The following RUNX1 variants were observed in gnomAD, a reference collection of about 807,000 sequenced individuals.
RUNX1 encodes RUNX family transcription factor 1.
In RUNX1, 19 loss-of-function variants were observed where a neutral mutation model predicts 42.8. That is an observed-to-expected ratio of 0.44 (90% confidence interval 0.31 to 0.65). RUNX1 has a LOEUF of 0.65. Ranked by LOEUF, RUNX1 falls within the 30% of genes least tolerant of loss-of-function variation. The pLI is 0.07. For synonymous variants in RUNX1, 271 were observed against 289.4 expected (o/e 0.94, Z 0.64); for missense variants, 528 against 672.0 (o/e 0.79, Z 2.37).
chr21:34,998,290 C>T (rs1011311625), intron 2 of RUNX1, among the ~76,000 whole-genome samples: 3 of 152,080 alleles, frequency 2.0e-5, no homozygotes, highest in Non-Finnish European at 2.9e-5. Context: ...AGAGATCAGC[C>T]CCATTTTCCT....
At chr21:34,939,135 GATGCCTTCTACATTAGAGAATCGTA>G (rs2058507947) in intron 2 of RUNX1, among the ~76,000 whole-genome samples, 1 of 152,158 alleles carries the variant, frequency 6.6e-6, no homozygotes, top group African/African-American at 2.4e-5. Context: ...GTATCTAATA[GATGCCTTCTACATTAGAGAATCGTA>G]ATGGATCAAA....
intron 2 of RUNX1, among the ~76,000 whole-genome samples, chr21:34,916,640 G>A (rs180833771): frequency 2.0e-5 from 3 of 152,208 alleles, no homozygotes; most frequent in Admixed American, 6.5e-5. Flanking sequence ...GCAGGGTTTA[G>A]ACAGGCAAAA....
At chr21:34,998,117 T>TCAA (rs1383718294) in intron 2 of RUNX1, among the ~76,000 whole-genome samples, 4 of 152,202 alleles carry the variant, frequency 2.6e-5, no homozygotes, top group Admixed American at 2.6e-4. Flanking sequence ...GTTTCTCTTT[T>TCAA]AAACTTTGAG....
chr21:34,895,314 G>C (rs1425311478), intron 2 of RUNX1, among the ~76,000 whole-genome samples: 1 of 152,156 alleles, frequency 6.6e-6, no homozygotes, highest in East Asian at 1.9e-4. Flanking sequence ...CCTGCCTTCA[G>C]CATTCCTTGA....
intron 8 of RUNX1, among the ~76,000 whole-genome samples, chr21:34,797,595 G>A (rs76211781): frequency 1.5e-3 from 224 of 152,310 alleles, no homozygotes; most frequent in Middle Eastern, 0.01. Context: ...GGTGCCCTGA[G>A]AACAATCAGT....
At chr21:34,928,707 C>G (rs890109171) in intron 2 of RUNX1, among the ~76,000 whole-genome samples, 6 of 151,342 alleles carry the variant, frequency 4.0e-5, no homozygotes, top group Non-Finnish European at 7.4e-5. Context: ...CAAGTTACAA[C>G]TAGAAGGCTG....
intron 7 of RUNX1, chr21:34,833,143 G>C (rs1478590734): frequency 6.6e-6 from 1 of 152,366 alleles, no homozygotes; most frequent in African/African-American, 2.4e-5. Context: ...TCGCTCTGTT[G>C]CCCAGGCTGG....
chr21:34,882,933 G>A (rs924700909), intron 4 of RUNX1, among the ~76,000 whole-genome samples: 2 of 152,176 alleles, frequency 1.3e-5, no homozygotes, highest in African/African-American at 2.4e-5. Context: ...CCTCCACTAC[G>A]TGGGTTTCAA....
chr21:34,917,863 G>A (rs1313640136), intron 2 of RUNX1, among the ~76,000 whole-genome samples: 1 of 152,076 alleles, frequency 6.6e-6, no homozygotes, highest in Non-Finnish European at 1.5e-5. Flanking sequence ...GGGCGTAGTG[G>A]CTCATGCCTA....
chr21:34,887,258 T>TGGGGGGGGGGGG, intron 3 of RUNX1, 162 bp from the exon 4 acceptor site: 1 of 261,170 alleles, frequency 3.8e-6, no homozygotes. Flanking sequence ...GGGGCGGGGG[T>TGGGGGGGGGGGG]GGTTAGGGGA....
At chr21:34,820,642 C>T (rs1367809608) in intron 7 of RUNX1, among the ~76,000 whole-genome samples, 1 of 148,012 alleles carries the variant, frequency 6.8e-6, no homozygotes, top group Non-Finnish European at 1.5e-5. Flanking sequence ...GAAACACCGT[C>T]TCAAAAAAAA....
intron 2 of RUNX1, among the ~76,000 whole-genome samples, chr21:35,005,154 T>G (rs937655515): frequency 6.6e-6 from 1 of 152,086 alleles, no homozygotes; most frequent in African/African-American, 2.4e-5. Flanking sequence ...GAGTTGAATT[T>G]CTTCTTCATA....
At chr21:34,799,206 C>T in intron 8 of RUNX1, 95 bp downstream of exon 8, 1 of 1,340,644 alleles carries the variant, frequency 7.5e-7, no homozygotes, top group East Asian at 2.3e-5. Flanking sequence ...CCATGTTTTA[C>T]TCAATAATGT....
chr21:34,824,141 T>C (rs1402114772), intron 7 of RUNX1, among the ~76,000 whole-genome samples: 1 of 152,228 alleles, frequency 6.6e-6, no homozygotes, highest in African/African-American at 2.4e-5. Flanking sequence ...GTCAAGCATT[T>C]AGTGCCATTG....
chr21:35,000,696 G>A (rs1041596534), intron 2 of RUNX1, among the ~76,000 whole-genome samples: 4 of 152,186 alleles, frequency 2.6e-5, no homozygotes, highest in African/African-American at 9.7e-5. Flanking sequence ...ACTTGTATAA[G>A]TAACATTAAC....
chr21:34,813,778 T>C (rs753959763), intron 7 of RUNX1, among the ~76,000 whole-genome samples: 2 of 151,934 alleles, frequency 1.3e-5, no homozygotes, highest in Non-Finnish European at 2.9e-5. Flanking sequence ...TTACTTAAGG[T>C]TTCATTCTAA....
Position 34,886,941 on chromosome 21 carries a change from G to T in RUNX1, c.253C>A (p.His85Asn), listed in dbSNP as rs121912500. ...TCGGTGCGCACCAGCTCGCCCGGGT[G>T]GTCGGCCAGCACCTCCACCATGCTG... ...DRSMVEVLAD[H>N]PGELVRTDSP... The change falls in exon 4 of 9, where the codon CAC (histidine) becomes AAC (asparagine). Residue 85 changes from histidine to asparagine, a missense_variant. His to Asn is a moderately conservative substitution (Grantham distance 68). This residue lies in a region of RUNX1 where 83 missense variants were observed against 174.5 expected (regional missense o/e 0.48). Transcript: ENST00000675419. 1.1e-5 allele frequency: 17 copies of T among 1,612,824 alleles called. No homozygotes were observed. The East Asian group carries it at 3.6e-4, about 34-fold the overall frequency.
Position 34,895,078 on chromosome 21 carries a change from C to G in RUNX1, c.59-2115G>C, listed in dbSNP as rs184361770. 2.7e-4 allele frequency among the ~76,000 whole-genome samples: 41 copies of G among 152,212 alleles called. No homozygotes were observed. In the South Asian group the frequency reaches 7.7e-3, roughly 29 times the overall value. On this transcript the variant is annotated intron_variant, in intron 2 of 8. Coordinates refer to ENST00000675419, the MANE Select transcript of RUNX1 (RefSeq NM_001754.5). ...ATCCCCCCCGTCTCAGGGTCTAGAT[C>G]AGAAAATATCTTGGAAATTCTTCAC... is the stretch of plus-strand genomic sequence containing the variant.
intron 5 of RUNX1, among the ~76,000 whole-genome samples, chr21:34,864,447 T>A (rs765373770): frequency 4.6e-5 from 7 of 152,328 alleles, no homozygotes; most frequent in Non-Finnish European, 2.9e-5. Flanking sequence ...ATGGGGCTGC[T>A]GCCGAGAGGG....
Sources: allele counts gnomAD v4.1 joint callset (sites outside exome capture counted in the v4.1 genomes callset), GRCh38; gene constraint gnomAD v4.1.1; regional missense constraint gnomAD v4.1.1; transcripts MANE v1.5; gene names NCBI Gene and HGNC (gene_info 2026-07-23, HGNC 2026-07-21).